BCO1: variants seen among roughly 807,000 people sequenced by gnomAD.
BCO1 encodes beta-carotene oxygenase 1.
A neutral mutation model predicts 56.3 loss-of-function variants in BCO1; 54 were observed. The observed-to-expected ratio is 0.96, with a 90% CI of 0.77 to 1.20. The LOEUF is 1.20. Among genes scored for constraint, BCO1 ranks in the 50% most tolerant of loss-of-function variants. BCO1 has a pLI of 0.00. For missense variants in BCO1, 801 were observed against 690.9 expected (o/e 1.16, Z -1.79); for synonymous variants, 318 against 266.1 (o/e 1.20, Z -1.90).
At chr16:81,277,421 G>A (rs1035829909) in intron 7 of BCO1, among the ~76,000 whole-genome samples, 1 of 152,170 alleles carries the variant, frequency 6.6e-6, no homozygotes, top group African/African-American at 2.4e-5. Context: ...TGGAATGTAC[G>A]CCTGTCTGCC....
At chr16:81,276,675 A>G (rs1022115833) in intron 7 of BCO1, among the ~76,000 whole-genome samples, 2 of 152,232 alleles carry the variant, frequency 1.3e-5, no homozygotes, top group Non-Finnish European at 2.9e-5. Flanking sequence ...TGTCTGTCCA[A>G]CACAGTAGCT....
chr16:81,260,096 G>T (rs998160039), intron 3 of BCO1, among the ~76,000 whole-genome samples: 13 of 152,270 alleles, frequency 8.5e-5, no homozygotes, highest in Admixed American at 7.2e-4. Context: ...CTGCTTACTT[G>T]CATAGAAAAT....
At chr16:81,281,011 C>T (rs747755655) in intron 8 of BCO1, 49 bp downstream of exon 8, 1 of 1,377,888 alleles carries the variant, frequency 7.3e-7, no homozygotes, top group East Asian at 2.4e-5. Flanking sequence ...CAGATTTTCA[C>T]AGGGAGCCCA....
Position 81,270,188 on chromosome 16 carries a change from C to G in BCO1, c.873C>G (p.Thr291=), listed in dbSNP as rs762810779. Reference sequence around the variant, plus strand: ...ATATCCACATCATCGACCAAAGGACCAGGCAGCCTGTGCAGACCAAGTTTT... The same window carrying G: ...ATATCCACATCATCGACCAAAGGACGAGGCAGCCTGTGCAGACCAAGTTTT... The part of the protein sequence containing the change: ...KTYIHIIDQR[T]RQPVQTKFYT... Residue 291 remains threonine, a synonymous_variant, in exon 7 of 11, where the codon ACC becomes ACG. Transcript: ENST00000258168. 44 of 1,614,014 alleles carry G rather than the reference C, an allele frequency of 2.7e-5. No homozygotes were observed. The South Asian group carries it at 4.6e-4, about 17-fold the overall frequency.
intron 6 of BCO1, 103 bp downstream of exon 6, chr16:81,268,234 G>T: frequency 9.6e-7 from 1 of 1,039,746 alleles, no homozygotes. Context: ...GCATGGAAGA[G>T]GGAGGAGGCT....
chr16:81,278,030 G>A (rs1022709975), intron 7 of BCO1, among the ~76,000 whole-genome samples: 5 of 151,936 alleles, frequency 3.3e-5, no homozygotes, highest in Non-Finnish European at 5.9e-5. Flanking sequence ...GGCATTGAAA[G>A]TTTCTGTTTA....
intron 2 of BCO1, among the ~76,000 whole-genome samples, chr16:81,246,015 A>G (rs1395488250): frequency 1.3e-5 from 2 of 151,746 alleles, no homozygotes; most frequent in African/African-American, 4.8e-5. Context: ...GGCATGTGAC[A>G]CCATGCCCAG....
At chr16:81,256,592 A>G (rs898722731) in intron 2 of BCO1, among the ~76,000 whole-genome samples, 1 of 152,212 alleles carries the variant, frequency 6.6e-6, no homozygotes, top group Non-Finnish European at 1.5e-5. Flanking sequence ...ACTGCCCAGG[A>G]AATAAAGTTC....
rs898772883 is a variant in BCO1, at chr16:81,256,993, C to T, written c.194-2683C>T. On this transcript the variant is annotated intron_variant, in intron 2 of 10. Coordinates refer to ENST00000258168, the MANE Select transcript of BCO1 (RefSeq NM_017429.3). Reference sequence around the variant, plus strand: ...TCCTCCAAATCCCTCTCTAATGTTCCAGCCCAGCCGAACTCAACGCCTGCA... The same window carrying T: ...TCCTCCAAATCCCTCTCTAATGTTCTAGCCCAGCCGAACTCAACGCCTGCA... 5.3e-5 allele frequency among the ~76,000 whole-genome samples: 8 copies of T among 152,164 alleles called. No individual in the cohort carries two copies. In the East Asian group the frequency reaches 1.5e-3, roughly 29 times the overall value.
intron 3 of BCO1, 28 bp from the exon 4 acceptor site, chr16:81,262,108 G>A (rs147092975): frequency 2.5e-6 from 4 of 1,612,220 alleles, no homozygotes; most frequent in East Asian, 4.5e-5. Flanking sequence ...CATAGCCACT[G>A]ACTCTGTTGA....
At chr16:81,244,543 C>G (rs1346359708) in intron 1 of BCO1, among the ~76,000 whole-genome samples, 1 of 152,006 alleles carries the variant, frequency 6.6e-6, no homozygotes, top group Non-Finnish European at 1.5e-5. Flanking sequence ...TTGGACAGTA[C>G]AGCTCTAGAA....
chr16:81,282,622 G>A (rs376479378), intron 8 of BCO1, among the ~76,000 whole-genome samples: 2 of 151,654 alleles, frequency 1.3e-5, no homozygotes, highest in African/African-American at 2.4e-5. Context: ...GATGATGCCA[G>A]GTCTGAAGGC....
intron 7 of BCO1, among the ~76,000 whole-genome samples, chr16:81,275,319 C>T (rs914860161): frequency 3.3e-5 from 5 of 152,238 alleles, no homozygotes; most frequent in African/African-American, 1.2e-4. Flanking sequence ...CCTGAGACCC[C>T]CATGTCCGGG....
chr16:81,254,457 T>TTG (rs943666591), intron 2 of BCO1, among the ~76,000 whole-genome samples: 46 of 151,476 alleles, frequency 3.0e-4, no homozygotes, highest in Non-Finnish European at 6.2e-4. Context: ...AGCATTTTTT[T>TTG]TTTTTTAATA....
At chr16:81,255,894 C>T (rs922760192) in intron 2 of BCO1, among the ~76,000 whole-genome samples, 5 of 151,950 alleles carry the variant, frequency 3.3e-5, no homozygotes, top group African/African-American at 4.8e-5. Flanking sequence ...GGCACGATTT[C>T]GGCTCACTGC....
intron 7 of BCO1, among the ~76,000 whole-genome samples, chr16:81,280,225 T>C (rs1907787525): frequency 8.4e-6 from 1 of 119,106 alleles, no homozygotes; most frequent in East Asian, 2.9e-4. Context: ...ATCACACCAC[T>C]GCACTCCGGA....
Position 81,238,975 on chromosome 16 carries a change from G to A in BCO1, c.64+3G>A, listed in dbSNP as rs1227457336. 6 of 1,612,892 alleles carry A rather than the reference G, an allele frequency of 3.7e-6. No individual in the cohort carries two copies. The African/African-American group carries it at 6.7e-5, about 18-fold the overall frequency. ...GCCTGTGAGGGCCAAAGTGACAGGT[G>A]AGCATTCTGATAAACACTGGGCTCT... On this transcript the variant is annotated splice_donor_region_variant and intron_variant, in intron 1 of 10. Transcript: ENST00000258168.
chr16:81,278,165 C>T (rs1325713107), intron 7 of BCO1, among the ~76,000 whole-genome samples: 1 of 152,178 alleles, frequency 6.6e-6, no homozygotes, highest in Non-Finnish European at 1.5e-5. Context: ...CCTCAGTCTC[C>T]TGAGCAGCTG....
chr16:81,282,696 C>T (rs1347075302), intron 8 of BCO1, among the ~76,000 whole-genome samples: 1 of 151,662 alleles, frequency 6.6e-6, no homozygotes, highest in Non-Finnish European at 1.5e-5. Flanking sequence ...CCTGAGAAGA[C>T]CACGCTTGTT....
Sources: gnomAD v4.1 joint callset for allele counts (sites outside exome capture counted in the v4.1 genomes callset) on GRCh38, gnomAD v4.1.1 for gene constraint, MANE v1.5 for transcripts, NCBI Gene and HGNC (gene_info 2026-07-23, HGNC 2026-07-21) for gene names.